TRAPPC10: variants seen among roughly 807,000 people sequenced by gnomAD.
TRAPPC10 encodes TRAPP 130 kDa subunit.
A neutral mutation model predicts 125.5 loss-of-function variants in TRAPPC10; 23 were observed. That is an observed-to-expected ratio of 0.18 (90% CI 0.13 to 0.26). The LOEUF is 0.26. Ranked by LOEUF, TRAPPC10 falls within the 10% of genes least tolerant of loss-of-function variation. The pLI is 1.00. For missense variants in TRAPPC10, 1,123 were observed against 1,308.4 expected (o/e 0.86, Z 2.19); for synonymous variants, 509 against 518.0 (o/e 0.98, Z 0.24).
rs545298336 is a variant in TRAPPC10 at position 44,076,560 on chromosome 21, G to A, written c.1309G>A (p.Ala437Thr). The change falls in exon 10 of 23, where the codon GCT (alanine) becomes ACT (threonine). Residue 437 changes from alanine (A) to threonine (T), a missense_variant. Coordinates refer to ENST00000291574, the MANE Select transcript of TRAPPC10 (RefSeq NM_003274.5). Reference protein sequence around the residue: ...GAERPETANTAQSPYKKLKEA... With the variant: ...GAERPETANTTQSPYKKLKEA... ...GTTTCTTTCTGTTTAAGCCAACACA[G>A]CTCAGAGTCCTTATAAGAAACTGAA... 5 of 1,613,990 alleles carry A rather than the reference G, an allele frequency of 3.1e-6. No homozygotes were observed. In the East Asian group the frequency reaches 1.1e-4, roughly 36 times the overall value.
intron 6 of TRAPPC10, among the ~76,000 whole-genome samples, chr21:44,061,580 T>C (rs1267885020): frequency 3.3e-5 from 5 of 152,224 alleles, no homozygotes; most frequent in African/African-American, 1.2e-4. Context: ...ATTTTTTAAA[T>C]ATCTTACATT....
chr21:44,021,066 GAGTA>G (rs1430058509), intron 1 of TRAPPC10, among the ~76,000 whole-genome samples: 2 of 152,320 alleles, frequency 1.3e-5, no homozygotes, highest in South Asian at 2.1e-4. Flanking sequence ...TCTAAGAATT[GAGTA>G]AGTAAGCTAT....
intron 7 of TRAPPC10, among the ~76,000 whole-genome samples, chr21:44,073,483 G>A (rs1422979884): frequency 6.6e-6 from 1 of 152,186 alleles, no homozygotes; most frequent in Non-Finnish European, 1.5e-5. Context: ...GGGGAAAACT[G>A]CATCTTATAC....
intron 3 of TRAPPC10, among the ~76,000 whole-genome samples, chr21:44,041,920 T>G (rs2034451224): frequency 6.6e-6 from 1 of 151,896 alleles, no homozygotes; most frequent in Non-Finnish European, 1.5e-5. Flanking sequence ...GGGATGGGGT[T>G]TCACCATGTT....
At chr21:44,016,083 A>G (rs1277777365) in intron 1 of TRAPPC10, among the ~76,000 whole-genome samples, 1 of 152,214 alleles carries the variant, frequency 6.6e-6, no homozygotes, top group Non-Finnish European at 1.5e-5. Flanking sequence ...CAGTTAGTGG[A>G]ACTAATGCTT....
At chr21:44,047,565 T>TGTGTGTGTGTGTGTGTGTGCGCGCGC (rs954810521) in intron 3 of TRAPPC10, among the ~76,000 whole-genome samples, 5 of 147,198 alleles carry the variant, frequency 3.4e-5, no homozygotes, top group Admixed American at 2.0e-4. Flanking sequence ...TGTGTGTGTG[T>TGTGTGTGTGTGTGTGTGTGCGCGCGC]GCGCGCACAC....
chr21:44,074,454 G>C lies in TRAPPC10; in HGVS notation c.1169G>C (p.Ser390Thr). The C allele has an allele frequency of 6.2e-7, 1 of 1,614,238 alleles. No individual in the cohort carries two copies. Among genetic ancestry groups the C allele is most frequent in the African/African-American group, 1.3e-5 (1 of 75,054 alleles). ...ATTGCCCACACTGTGGGGCTATGGAGCTATGCCACAGAAAAGGTGCCTACC... is the reference window on the plus strand; with the variant it reads ...ATTGCCCACACTGTGGGGCTATGGACCTATGCCACAGAAAAGGTGCCTACC... ...SNIAHTVGLWSYATEKLKSLG... is the reference protein window; with the variant it reads ...SNIAHTVGLWTYATEKLKSLG... Residue 390 changes from serine to threonine, a missense_variant, in exon 8 of 23, where the codon AGC (serine) becomes ACC (threonine). Physicochemically the swap from Ser to Thr is moderately conservative, Grantham distance 58 (BLOSUM62 1). This residue lies in a region of TRAPPC10 where 840 missense variants were observed against 902.0 expected (regional missense o/e 0.93). Coordinates refer to ENST00000291574, the MANE Select transcript of TRAPPC10 (RefSeq NM_003274.5).
At chr21:44,078,160 C>G (rs1307434060) in intron 11 of TRAPPC10, among the ~76,000 whole-genome samples, 1 of 152,066 alleles carries the variant, frequency 6.6e-6, no homozygotes, top group Non-Finnish European at 1.5e-5. Flanking sequence ...TGAAAAACCT[C>G]AAGGCCATTG....
At chr21:44,084,897 A>G (rs1055824088) in intron 15 of TRAPPC10, among the ~76,000 whole-genome samples, 10 of 152,236 alleles carry the variant, frequency 6.6e-5, no homozygotes, top group Non-Finnish European at 1.3e-4. Context: ...ATATAGATGA[A>G]GAAGTGTGGA....
chr21:44,048,157 CTCG>C, intron 3 of TRAPPC10, among the ~76,000 whole-genome samples: 1 of 152,178 alleles, frequency 6.6e-6, no homozygotes, highest in East Asian at 1.9e-4. Context: ...CATGTACTTA[CTCG>C]TCAGTTCCCT....
chr21:44,035,383 T>A (rs182582956), intron 2 of TRAPPC10, among the ~76,000 whole-genome samples: 1 of 152,162 alleles, frequency 6.6e-6, no homozygotes, highest in African/African-American at 2.4e-5. Context: ...GCCTGTGATA[T>A]TCTGTTACAG....
chr21:44,058,980 C>T (rs1021985444), intron 5 of TRAPPC10, 123 bp from the exon 6 acceptor site: 6 of 628,410 alleles, frequency 9.5e-6, no homozygotes, highest in South Asian at 4.6e-5. Flanking sequence ...TGTTACTTAG[C>T]GGAGCGTAGA....
At chr21:44,027,151 G>A (rs2033146584) in intron 1 of TRAPPC10, among the ~76,000 whole-genome samples, 5 of 152,142 alleles carry the variant, frequency 3.3e-5, no homozygotes. Context: ...CTGTATCAGA[G>A]TATCAGCAAA....
At chr21:44,029,118 G>A (rs901914154) in intron 1 of TRAPPC10, among the ~76,000 whole-genome samples, 3 of 151,966 alleles carry the variant, frequency 2.0e-5, no homozygotes, top group Admixed American at 6.6e-5. Context: ...TTTTTGAGAC[G>A]GAGTCTCGCT....
chr21:44,079,753 C>G, intron 12 of TRAPPC10, 49 bp downstream of exon 12: 1 of 1,571,152 alleles, frequency 6.4e-7, no homozygotes, highest in South Asian at 1.2e-5. Context: ...TCTGTTTATA[C>G]GGCAACATTG....
chr21:44,030,591 C>T (rs959477738), intron 1 of TRAPPC10, among the ~76,000 whole-genome samples: 1 of 152,044 alleles, frequency 6.6e-6, no homozygotes, highest in Non-Finnish European at 1.5e-5. Context: ...CTCAGCCTCC[C>T]GAGTAGCTAG....
chr21:44,046,976 C>G, intron 3 of TRAPPC10: 1 of 830,150 alleles, frequency 1.2e-6, no homozygotes, highest in Admixed American at 1.9e-5. Flanking sequence ...CAAGCCGGCT[C>G]TGCGAGCGGG....
chr21:44,085,951 A>G (rs1052122878), intron 15 of TRAPPC10, among the ~76,000 whole-genome samples: 3 of 152,050 alleles, frequency 2.0e-5, no homozygotes, highest in Admixed American at 2.0e-4. Flanking sequence ...CACAAAGGGC[A>G]TTTTTCTGTT....
Position 44,081,017 on chromosome 21 carries a change from C to CTTTTTTTTTTTTTTT in TRAPPC10, c.1723+896_1723+910dup, listed in dbSNP as rs67865929. On this transcript the variant is annotated intron_variant, in intron 13 of 22. Transcript: ENST00000291574. Reference sequence around the variant, plus strand: ...CAATATTATTGTTCTTTTTTTTTTTCTTTTTTTTTTTTTTTTTTTTGACTA... The same window carrying CTTTTTTTTTTTTTTT: ...CAATATTATTGTTCTTTTTTTTTTTCTTTTTTTTTTTTTTTTTTTTTTTTTTTTTTTTTTTGACTA... 2.1e-4 allele frequency among the ~76,000 whole-genome samples: 20 copies of CTTTTTTTTTTTTTTT among 97,198 alleles called. 1 individual carries two copies. Among genetic ancestry groups the CTTTTTTTTTTTTTTT allele is most frequent in the South Asian group, 3.7e-4 (1 of 2,668 alleles). The allele number at this position is 97,198 out of a possible 152,430, so 63.8% of individuals were successfully genotyped here. A position where few individuals can be genotyped will look rare whatever the true frequency, so the allele number is the denominator to read the frequency against.
Sources: allele counts gnomAD v4.1 joint callset (sites outside exome capture counted in the v4.1 genomes callset), GRCh38; gene constraint gnomAD v4.1.1; regional missense constraint gnomAD v4.1.1; transcripts MANE v1.5; gene names NCBI Gene and HGNC (gene_info 2026-07-23, HGNC 2026-07-21).